NUBPL: variants seen among roughly 807,000 people sequenced by gnomAD.
The protein encoded by NUBPL is iron-sulfur cluster transfer protein NUBPL.
In NUBPL, 31 loss-of-function variants were observed where a neutral mutation model predicts 45.7. That is an observed-to-expected ratio of 0.68 (90% CI 0.51 to 0.92). The LOEUF (loss-of-function observed/expected upper bound fraction) is 0.92. Among genes scored for constraint, NUBPL ranks in the 40% least tolerant of loss-of-function variants. The pLI, the probability that NUBPL is intolerant of heterozygous loss-of-function variation, is 0.00. For synonymous variants in NUBPL, 144 were observed against 140.9 expected (o/e 1.02, Z -0.15); for missense variants, 401 against 398.7 (o/e 1.01, Z -0.05).
intron 6 of NUBPL, among the ~76,000 whole-genome samples, chr14:31,694,576 C>T (rs1204211137): frequency 2.0e-5 from 3 of 152,118 alleles, no homozygotes; most frequent in Non-Finnish European, 2.9e-5. Context: ...AGTGCAGTGG[C>T]GTGATCTCAG....
In NUBPL at chr14:31,859,546, T is replaced by C. The variant is rs1163254093; in HGVS notation, c.*366T>C. ...TAATTTAAATGATATACTAAATTTG[T>C]GTATGGGCATAAGTATTACGCCTTC... On this transcript the variant is annotated 3_prime_UTR_variant, in exon 11 of 11. Coordinates refer to ENST00000281081, the MANE Select transcript of NUBPL (RefSeq NM_025152.3). The C allele has an allele frequency of 2.9e-6, 1 of 342,390 alleles. No homozygotes were observed. The allele number at this position is 342,390 out of a possible 1,614,324, so 21.2% of individuals were successfully genotyped here.
chr14:31,567,387 A>G (rs2033464151), intron 3 of NUBPL, among the ~76,000 whole-genome samples: 1 of 152,106 alleles, frequency 6.6e-6, no homozygotes, highest in South Asian at 2.1e-4. Context: ...TCTTCTGCTC[A>G]TTGATTATGT....
chr14:31,639,972 T>G (rs1439598337), intron 4 of NUBPL, among the ~76,000 whole-genome samples: 1 of 152,186 alleles, frequency 6.6e-6, no homozygotes, highest in Non-Finnish European at 1.5e-5. Context: ...GACCCGATTT[T>G]CCAGGTGCTG....
intron 4 of NUBPL, among the ~76,000 whole-genome samples, chr14:31,643,676 A>G (rs193094680): frequency 6.8e-4 from 104 of 152,094 alleles, no homozygotes; most frequent in African/African-American, 2.4e-3. Flanking sequence ...ATCCGTTTGG[A>G]AGTATTCCCT....
intron 6 of NUBPL, among the ~76,000 whole-genome samples, chr14:31,700,633 C>T (rs1434617239): frequency 1.3e-5 from 2 of 152,106 alleles, no homozygotes; most frequent in Non-Finnish European, 2.9e-5. Context: ...GGGCCCTGCA[C>T]TTCGAGCGGC....
chr14:31,722,200 C>T (rs563773237), intron 6 of NUBPL, among the ~76,000 whole-genome samples: 16 of 152,108 alleles, frequency 1.1e-4, no homozygotes, highest in African/African-American at 3.1e-4. Context: ...TTAGTAGAGA[C>T]GGGTTTTCAC....
rs575031976 is a variant in NUBPL, at chr14:31,722,707, CAT to C, written c.513+49136_513+49137del. Among the ~76,000 whole-genome samples, 17 of 152,262 alleles carry C rather than the reference CAT, an allele frequency of 1.1e-4. 1 individual carries two copies. The highest frequency in any genetic ancestry group is 2.9e-4 in the African/African-American group (12 of 41,556). On this transcript the variant is annotated intron_variant, in intron 6 of 10. Transcript: ENST00000281081. ...CGATCAGTGATGCTGAGCTTGTTTT[CAT>C]ATGTTTGTTGGCTGCACATATGTCT... is the stretch of plus-strand genomic sequence containing the variant.
At chr14:31,694,438 A>G (rs1334539650) in intron 6 of NUBPL, among the ~76,000 whole-genome samples, 2 of 152,184 alleles carry the variant, frequency 1.3e-5, no homozygotes, top group African/African-American at 4.8e-5. Context: ...TTATTTATTG[A>G]GCTGACAGCA....
At chr14:31,698,235 G>T (rs1041225515) in intron 6 of NUBPL, among the ~76,000 whole-genome samples, 13 of 151,886 alleles carry the variant, frequency 8.6e-5, no homozygotes, top group African/African-American at 3.1e-4. Flanking sequence ...CCAATCTATG[G>T]TGTTTTAGAT....
At chr14:31,686,642 G>T (rs1327142234) in intron 6 of NUBPL, 1 of 152,098 alleles carries the variant, frequency 6.6e-6, no homozygotes, top group African/African-American at 2.4e-5. Context: ...GAATAATTTG[G>T]GATCTGCCTT....
In NUBPL at chr14:31,804,082, T is replaced by G. The variant is rs1392610587; in HGVS notation, c.607+16209T>G. Among the ~76,000 whole-genome samples the G allele has an allele frequency of 2.0e-5, 3 of 152,074 alleles. No individual in the cohort carries two copies. In the East Asian group the frequency reaches 5.8e-4, roughly 29 times the overall value. ...CTCTCAATCTAAATTTAAGAAGAAA[T>G]AAACTCTTTAGGGCTCTTGTATTTG... On this transcript the variant is annotated intron_variant, in intron 7 of 10. Transcript: ENST00000281081.
At chr14:31,564,673 TA>T (rs2033389321) in intron 2 of NUBPL, among the ~76,000 whole-genome samples, 1 of 152,240 alleles carries the variant, frequency 6.6e-6, no homozygotes, top group East Asian at 1.9e-4. Flanking sequence ...GTTTTGAAAA[TA>T]ATTGAATTAT....
intron 8 of NUBPL, chr14:31,844,602 G>T (rs529904167): frequency 1.7e-4 from 26 of 151,974 alleles, no homozygotes; most frequent in African/African-American, 5.8e-4. Flanking sequence ...TAATTATTGG[G>T]GGCAACTTTA....
At chr14:31,568,513 T>G (rs1168988068) in intron 3 of NUBPL, among the ~76,000 whole-genome samples, 1 of 152,244 alleles carries the variant, frequency 6.6e-6, no homozygotes, top group East Asian at 1.9e-4. Flanking sequence ...TCATCAGAAT[T>G]GTCTATTTCA....
At chr14:31,749,219 T>G (rs2038467696) in intron 6 of NUBPL, among the ~76,000 whole-genome samples, 1 of 152,224 alleles carries the variant, frequency 6.6e-6, no homozygotes. Context: ...CCTCTCTTGT[T>G]TATCTTTGCA....
At chr14:31,603,216 C>G (rs1273087849) in intron 4 of NUBPL, among the ~76,000 whole-genome samples, 1 of 147,112 alleles carries the variant, frequency 6.8e-6, no homozygotes, top group Non-Finnish European at 1.5e-5. Context: ...AAGAGGATCA[C>G]TTGAGTCCTG....
At chr14:31,820,521 C>T (rs900862390) in intron 7 of NUBPL, among the ~76,000 whole-genome samples, 1 of 152,110 alleles carries the variant, frequency 6.6e-6, no homozygotes, top group African/African-American at 2.4e-5. Flanking sequence ...GACATAATTC[C>T]TTTAAAATTT....
At chr14:31,649,828 T>C (rs2139733060) in intron 4 of NUBPL, among the ~76,000 whole-genome samples, 1 of 152,298 alleles carries the variant, frequency 6.6e-6, no homozygotes, top group South Asian at 2.1e-4. Context: ...CACCCTTAGC[T>C]CTTTGCCTTT....
intron 1 of NUBPL, 152 bp downstream of exon 1, chr14:31,561,699 C>T: frequency 1.7e-6 from 1 of 572,048 alleles, no homozygotes; most frequent in Non-Finnish European, 2.9e-6. Flanking sequence ...CAGGCCCAGG[C>T]TGAGGCGTGG....
Sources: allele counts gnomAD v4.1 joint callset (sites outside exome capture counted in the v4.1 genomes callset), GRCh38; gene constraint gnomAD v4.1.1; transcripts MANE v1.5; gene names NCBI Gene and HGNC (gene_info 2026-07-23, HGNC 2026-07-21).